Variants in NRG1 observed in about 807,000 individuals in gnomAD.
NRG1 encodes the protein neuregulin 1.
Under a neutral mutation model 63.8 loss-of-function variants are expected in NRG1, and 18 were observed. That is an observed-to-expected ratio of 0.28 (90% confidence interval 0.19 to 0.42). The LOEUF is 0.42. Among genes scored for constraint, NRG1 ranks in the 10% least tolerant of loss-of-function variants. The pLI is 1.00. For missense variants in NRG1, 762 were observed against 814.7 expected, an observed-to-expected ratio of 0.94 and a Z score of 0.79; for synonymous variants, 302 against 301.3, an observed-to-expected ratio of 1.00 and a Z score of -0.02.
chr8:31,803,183 G>A (rs1193010041), intron 1 of NRG1, among the ~76,000 whole-genome samples: 1 of 152,104 alleles, frequency 6.6e-6, no homozygotes, highest in Non-Finnish European at 1.5e-5. Flanking sequence ...AGTATAATAG[G>A]GAAACCTATT....
At chr8:32,014,075 T>C (rs989328063) in intron 1 of NRG1, among the ~76,000 whole-genome samples, 3 of 152,190 alleles carry the variant, frequency 2.0e-5, no homozygotes, top group African/African-American at 7.2e-5. Context: ...AGTAGTTTTT[T>C]CTAATTCTGT....
At chr8:31,976,261 G>A (rs1808154603) in intron 1 of NRG1, among the ~76,000 whole-genome samples, 1 of 152,168 alleles carries the variant, frequency 6.6e-6, no homozygotes, top group African/African-American at 2.4e-5. Flanking sequence ...TCAAGTTAAT[G>A]TTATACAGTA....
chr8:32,355,395 G>T (rs1414197510), intron 1 of NRG1, among the ~76,000 whole-genome samples: 1 of 152,090 alleles, frequency 6.6e-6, no homozygotes, highest in African/African-American at 2.4e-5. Context: ...GGAGGTGGAG[G>T]TTGCACCGAT....
At chr8:31,856,667 C>T (rs1827909525) in intron 1 of NRG1, among the ~76,000 whole-genome samples, 1 of 152,146 alleles carries the variant, frequency 6.6e-6, no homozygotes, top group African/African-American at 2.4e-5. Flanking sequence ...GAACTGCGTT[C>T]CTTTGGAGGA....
At chr8:32,258,372 C>T (rs964592175) in intron 1 of NRG1, among the ~76,000 whole-genome samples, 40 of 152,214 alleles carry the variant, frequency 2.6e-4, no homozygotes, top group African/African-American at 9.4e-4. Context: ...ATTTCATGCA[C>T]TTTGCTTCTA....
At chr8:32,183,305 C>G (rs1345316933) in intron 1 of NRG1, among the ~76,000 whole-genome samples, 1 of 152,168 alleles carries the variant, frequency 6.6e-6, no homozygotes, top group East Asian at 1.9e-4. Flanking sequence ...CGGGACTTTT[C>G]TATGCTCCCA....
chr8:32,578,654 T>C (rs886387528), intron 1 of NRG1, among the ~76,000 whole-genome samples: 1 of 152,210 alleles, frequency 6.6e-6, no homozygotes, highest in Non-Finnish European at 1.5e-5. Flanking sequence ...ACCTAGGTTC[T>C]TAATTGTGAT....
chr8:32,603,896 A>G (rs971692128), intron 2 of NRG1, among the ~76,000 whole-genome samples: 7 of 152,146 alleles, frequency 4.6e-5, no homozygotes, highest in African/African-American at 1.7e-4. Flanking sequence ...AGCCTTAGAA[A>G]TATTAGGTTC....
At chr8:32,322,658 G>T (rs1471300381) in intron 1 of NRG1, among the ~76,000 whole-genome samples, 2 of 151,992 alleles carry the variant, frequency 1.3e-5, no homozygotes, top group Non-Finnish European at 2.9e-5. Flanking sequence ...GCAGGCTCTT[G>T]TGGTGATCAT....
downstream of NRG1, among the ~76,000 whole-genome samples, chr8:32,768,676 G>A (rs1392750285): frequency 1.3e-5 from 2 of 152,252 alleles, no homozygotes; most frequent in East Asian, 1.9e-4. Flanking sequence ...CTAAACAAAA[G>A]CCATATTTTA....
intron 5 of NRG1, among the ~76,000 whole-genome samples, chr8:32,632,514 A>G: frequency 7.0e-6 from 1 of 143,168 alleles, no homozygotes. Flanking sequence ...ACGCCATTGC[A>G]CTCCAGCCTG....
At chr8:32,480,661 T>C (rs1307550716) in intron 1 of NRG1, among the ~76,000 whole-genome samples, 1 of 152,182 alleles carries the variant, frequency 6.6e-6, no homozygotes, top group African/African-American at 2.4e-5. Flanking sequence ...CTGTAGACTA[T>C]AAAGGTAGCG....
At chr8:32,069,822 G>A (rs1452462858) in intron 1 of NRG1, among the ~76,000 whole-genome samples, 1 of 152,180 alleles carries the variant, frequency 6.6e-6, no homozygotes, top group African/African-American at 2.4e-5. Context: ...GACTTTTCTA[G>A]ATCTCCCTGC....
At chr8:31,831,993 G>C (rs995680409) in intron 1 of NRG1, among the ~76,000 whole-genome samples, 6 of 152,056 alleles carry the variant, frequency 3.9e-5, no homozygotes, top group Non-Finnish European at 7.4e-5. Flanking sequence ...TCTCTTGCTT[G>C]CTCTTCACCT....
At chr8:32,570,807 G>C (rs1455657207) in intron 1 of NRG1, among the ~76,000 whole-genome samples, 1 of 151,998 alleles carries the variant, frequency 6.6e-6, no homozygotes, top group African/African-American at 2.4e-5. Flanking sequence ...GATATTTTAG[G>C]TAATCAATAC....
intron 1 of NRG1, among the ~76,000 whole-genome samples, chr8:32,317,622 G>T (rs901971002): frequency 6.6e-6 from 1 of 152,186 alleles, no homozygotes; most frequent in East Asian, 1.9e-4. Flanking sequence ...GTTTTGGCAT[G>T]AGGGTTAGAA....
At chr8:32,014,935 C>T (rs1259355604) in intron 1 of NRG1, among the ~76,000 whole-genome samples, 4 of 152,112 alleles carry the variant, frequency 2.6e-5, no homozygotes, top group Admixed American at 2.6e-4. Context: ...CAGCTACAAG[C>T]CAAGGAACAC....
At chr8:32,457,836 T>C (rs1408825495) in intron 1 of NRG1, among the ~76,000 whole-genome samples, 1 of 152,178 alleles carries the variant, frequency 6.6e-6, no homozygotes, top group Non-Finnish European at 1.5e-5. Context: ...TACATGCTTA[T>C]GGTTACTTAA....
chr8:32,127,537 G>GTGTGTGTT (rs1475447819), intron 1 of NRG1, among the ~76,000 whole-genome samples: 1 of 151,204 alleles, frequency 6.6e-6, no homozygotes, highest in Non-Finnish European at 1.5e-5. Flanking sequence ...ACGTGTGTGT[G>GTGTGTGTT]TGTGTGTGTG....
Sources: gnomAD v4.1 joint callset for allele counts (sites outside exome capture counted in the v4.1 genomes callset) on GRCh38, gnomAD v4.1.1 for gene constraint, MANE v1.5 for transcripts, NCBI Gene and HGNC (gene_info 2026-07-23, HGNC 2026-07-21) for gene names.